KASH5: variants seen among roughly 807,000 people sequenced by gnomAD.
KASH5 encodes the protein protein KASH5.
In KASH5, 72 loss-of-function variants were observed where a neutral mutation model predicts 84.2. That is an observed-to-expected ratio of 0.85 (90% CI 0.71 to 1.04). The LOEUF is 1.04. KASH5 is among the 50% of genes least tolerant of loss of function. The pLI, the probability that KASH5 is intolerant of heterozygous loss-of-function variation, is 0.00. For missense variants in KASH5, 650 were observed against 701.0 expected (o/e 0.93, Z 0.82); for synonymous variants, 260 against 279.1 (o/e 0.93, Z 0.68).
At chr19:49,403,227 G>A (rs866298131) in intron 9 of KASH5, among the ~76,000 whole-genome samples, 14 of 152,130 alleles carry the variant, frequency 9.2e-5, no homozygotes, top group South Asian at 2.1e-4. Context: ...TAAATAATTA[G>A]TTGGGCATGG....
chr19:49,417,066 A>G lies in KASH5; in HGVS notation c.1426A>G (p.Asn476Asp). ...CCCTCGCCCTGGAGACATCCCAGAA[A>G]ACCCTCCAGAGAGGTAATAGGACCC... ...GAPRPGDIPE[N>D]PPERPARREL... Residue 476 changes from asparagine (N) to aspartate (D), a missense_variant, in exon 18 of 20, where the codon AAC becomes GAC. Coordinates refer to ENST00000447857, the MANE Select transcript of KASH5 (RefSeq NM_144688.5). The surrounding 1 kb of genome is among the most constrained non-coding windows in gnomAD (Gnocchi z 5.2). The G allele has an allele frequency of 6.3e-7, 1 of 1,597,506 alleles. No homozygotes were observed. The highest frequency in any genetic ancestry group is 8.5e-7 in the Non-Finnish European group (1 of 1,172,552).
At chr19:49,409,316 C>A in intron 14 of KASH5, 33 bp downstream of exon 14, 1 of 1,600,218 alleles carries the variant, frequency 6.2e-7, no homozygotes, top group Non-Finnish European at 8.5e-7. Context: ...AAGCTGCAGG[C>A]CACCAAGGCA....
chr19:49,392,340 AAGATAGAG>A (rs961945853), intron 2 of KASH5, among the ~76,000 whole-genome samples: 5 of 112,710 alleles, frequency 4.4e-5, no homozygotes, highest in Non-Finnish European at 8.0e-5. Flanking sequence ...GACTGGGAGA[AAGATAGAG>A]AGAAAGAGCC....
At chr19:49,393,398 G>A (rs1007440369) in intron 2 of KASH5, 1 of 152,276 alleles carries the variant, frequency 6.6e-6, no homozygotes, top group Non-Finnish European at 1.5e-5. Flanking sequence ...AGGCCCAAGA[G>A]AAGTTGAGTC....
chr19:49,410,327 T>G (rs1323379275), intron 15 of KASH5, among the ~76,000 whole-genome samples: 1 of 152,042 alleles, frequency 6.6e-6, no homozygotes, highest in Non-Finnish European at 1.5e-5. Flanking sequence ...CCATTGGGGT[T>G]TTTTTTGTTT....
chr19:49,417,144 CCTT>C lies in KASH5; in HGVS notation c.1440-13_1440-11del. ...AGGAAAAACCCAGTGGTGATTCCCT[CCTT>C]CACCCCAGCAGACCTGCGCGGCGGG... On this transcript the variant is annotated splice_polypyrimidine_tract_variant and intron_variant, in intron 18 of 19. Transcript: ENST00000447857. The surrounding 1 kb of genome is among the most constrained non-coding windows in gnomAD (Gnocchi z 5.2). The C allele has an allele frequency of 6.2e-7, 1 of 1,612,738 alleles. No homozygotes were observed. The highest frequency in any genetic ancestry group is 8.5e-7 in the Non-Finnish European group (1 of 1,179,428).
intron 9 of KASH5, among the ~76,000 whole-genome samples, chr19:49,402,366 A>G (rs138373284): frequency 0.01 from 1,585 of 151,536 alleles, 29 homozygotes; most frequent in African/African-American, 0.036. Context: ...TAGGCAACAT[A>G]GTGAGAGCCC....
At chr19:49,415,318 C>T (rs1431805349) in intron 17 of KASH5, 6 of 419,322 alleles carry the variant, frequency 1.4e-5, no homozygotes, top group African/African-American at 4.1e-5. Context: ...CACGCACATG[C>T]GCCCACACTC....
intron 16 of KASH5, 146 bp downstream of exon 16, chr19:49,413,172 AGGCCAGGAGATGAGGCCT>A: frequency 2.5e-6 from 2 of 786,316 alleles, no homozygotes; most frequent in Non-Finnish European, 2.0e-6. Flanking sequence ...CTGGGCCTGT[AGGCCAGGAGATGAGGCCT>A]GGCCCTGCCC....
At chr19:49,401,939 C>G (rs1216041017) in intron 9 of KASH5, among the ~76,000 whole-genome samples, 2 of 152,132 alleles carry the variant, frequency 1.3e-5, no homozygotes, top group African/African-American at 4.8e-5. Flanking sequence ...TCAGAACATC[C>G]CTTTTTAAGA....
Position 49,406,827 on chromosome 19 carries a change from T to A in KASH5, c.799-59T>A, listed in dbSNP as rs759492728. ...AATCAAGTGTTTAGCAAATATCTGC[T>A]GTTAATTTTGACATTACCACTTGCT... On this transcript the variant is annotated intron_variant, in intron 9 of 19. Coordinates refer to ENST00000447857, the MANE Select transcript of KASH5 (RefSeq NM_144688.5). 67 of 1,435,744 alleles carry A rather than the reference T, an allele frequency of 4.7e-5. 2 individuals are homozygous for A. In the Middle Eastern group the frequency reaches 7.3e-3, roughly 157 times the overall value. The allele number at this position is 1,435,744 out of a possible 1,614,324, so 88.9% of individuals were successfully genotyped here.
chr19:49,417,313 G>A lies in KASH5; in HGVS notation c.1547+47G>A, dbSNP rs371250136. On this transcript the variant is annotated intron_variant, in intron 19 of 19. Coordinates refer to ENST00000447857, the MANE Select transcript of KASH5 (RefSeq NM_144688.5). The surrounding 1 kb of genome is among the most constrained non-coding windows in gnomAD (Gnocchi z 5.2). ...GAAGGAAGGAGGTGGTCTGACATTG[G>A]GAAGAGCAGGGGCTGCCCAGACCCT... The A allele has an allele frequency of 3.8e-6, 6 of 1,582,462 alleles. No homozygotes were observed. The African/African-American group carries it at 6.7e-5, about 18-fold the overall frequency.
In KASH5 at chr19:49,414,422, G is replaced by A. The variant is rs1974826384; in HGVS notation, c.1329-529G>A. On this transcript the variant is annotated intron_variant, in intron 16 of 19. Coordinates refer to ENST00000447857, the MANE Select transcript of KASH5 (RefSeq NM_144688.5). This position sits in a 1 kb window ranked among gnomAD's most constrained non-coding sequence, Gnocchi z 4.5. ...CAGAGAGCACCCAGTGACAGTCATT[G>A]AAAAATGGCTCAACCCACTAGACAG... 6.6e-6 allele frequency among the ~76,000 whole-genome samples: 1 copy of A among 152,016 alleles called. No homozygotes were observed. The highest frequency in any genetic ancestry group is 1.5e-5 in the Non-Finnish European group (1 of 67,980).
intron 1 of KASH5, among the ~76,000 whole-genome samples, chr19:49,388,769 C>A (rs781378749): frequency 2.1e-4 from 32 of 152,016 alleles, no homozygotes; most frequent in Non-Finnish European, 4.6e-4. Context: ...TTATAGTTGA[C>A]CCCCGAAATC....
chr19:49,394,722 C>T lies in KASH5; in HGVS notation c.148+142C>T, dbSNP rs1600899010. The T allele has an allele frequency of 1.2e-5, 8 of 648,782 alleles. No individual in the cohort carries two copies. In the East Asian group the frequency reaches 2.1e-4, roughly 17 times the overall value. The allele number at this position is 648,782 out of a possible 1,614,324, so 40.2% of individuals were successfully genotyped here. A position where few individuals can be genotyped will look rare whatever the true frequency, so the allele number is the denominator to read the frequency against. ...GAACAAAGTGGGTGATTATGGGAAGCTTCAGGAAGAAGAACGTGGATAATG... is the reference window on the plus strand; with the variant it reads ...GAACAAAGTGGGTGATTATGGGAAGTTTCAGGAAGAAGAACGTGGATAATG... On this transcript the variant is annotated intron_variant, in intron 3 of 19. Coordinates refer to ENST00000447857, the MANE Select transcript of KASH5 (RefSeq NM_144688.5).
Position 49,414,498 on chromosome 19 carries a change from G to C in KASH5, c.1329-453G>C, listed in dbSNP as rs1169890419. Among the ~76,000 whole-genome samples, 1 of 152,052 alleles carries C rather than the reference G, an allele frequency of 6.6e-6. No homozygotes were observed. Among genetic ancestry groups the C allele is most frequent in the East Asian group, 1.9e-4 (1 of 5,194 alleles). On this transcript the variant is annotated intron_variant, in intron 16 of 19. Transcript: ENST00000447857. This position sits in a 1 kb window ranked among gnomAD's most constrained non-coding sequence, Gnocchi z 4.5. ...GGGTCTTACAGAGGCCTGAATCTCT[G>C]GTATTTTGGAGGGTGAGAGAGCCAG...
At chr19:49,404,190 T>C (rs1974454014) in intron 9 of KASH5, among the ~76,000 whole-genome samples, 3 of 152,052 alleles carry the variant, frequency 2.0e-5, no homozygotes. Flanking sequence ...ATGGAGGACT[T>C]GGAGCTGGCT....
chr19:49,397,817 A>G (rs1974230962), intron 6 of KASH5, 100 bp downstream of exon 6: 1 of 1,480,298 alleles, frequency 6.8e-7, no homozygotes, highest in South Asian at 1.2e-5. Context: ...AGGGAAATGA[A>G]TGAGGGACGG....
intron 15 of KASH5, among the ~76,000 whole-genome samples, chr19:49,411,922 A>AGGAG (rs1974724526): frequency 2.1e-4 from 2 of 9,712 alleles, no homozygotes; most frequent in East Asian, 3.2e-3. Flanking sequence ...GAAGGAGGGA[A>AGGAG]GGAAGGAAGG....
Sources: gnomAD v4.1 joint callset for allele counts (sites outside exome capture counted in the v4.1 genomes callset) on GRCh38, gnomAD v4.1.1 for gene constraint, Gnocchi (gnomAD v3.1) non-coding constraint, MANE v1.5 for transcripts, NCBI Gene and HGNC (gene_info 2026-07-23, HGNC 2026-07-21) for gene names.